Variants in PDE4D observed in about 807,000 individuals in gnomAD.
PDE4D encodes the protein phosphodiesterase 4D, also known as 3',5'-cyclic-AMP phosphodiesterase 4D.
Under a neutral mutation model 87.4 loss-of-function variants are expected in PDE4D, and 24 were observed. The observed-to-expected ratio is 0.27, with a 90% CI of 0.20 to 0.39. The LOEUF (loss-of-function observed/expected upper bound fraction) is 0.39, where lower values mean the gene tolerates loss of function less well. Ranked by LOEUF, PDE4D falls within the 10% of genes least tolerant of loss-of-function variation. The pLI, the probability that PDE4D is intolerant of heterozygous loss-of-function variation, is 1.00. For missense variants in PDE4D, 714 were observed against 1,041.0 expected, an observed-to-expected ratio of 0.69 and a Z score of 4.32; for synonymous variants, 384 against 383.2, an observed-to-expected ratio of 1.00 and a Z score of -0.02.
At chr5:60,383,391 G>A (rs563460100) in intron 1 of PDE4D, among the ~76,000 whole-genome samples, 35 of 152,232 alleles carry the variant, frequency 2.3e-4, no homozygotes, top group African/African-American at 8.4e-4. Flanking sequence ...GTACTTTCCA[G>A]AAAGCAATTG....
intron 3 of PDE4D, among the ~76,000 whole-genome samples, chr5:59,971,263 C>T (rs1350340962): frequency 3.3e-5 from 5 of 149,928 alleles, no homozygotes; most frequent in South Asian, 2.1e-4. Flanking sequence ...TGCTAGATGA[C>T]GAGTTAGTGG....
intron 1 of PDE4D, among the ~76,000 whole-genome samples, chr5:60,402,569 C>T (rs112473535): frequency 0.028 from 4,220 of 152,304 alleles, 94 homozygotes; most frequent in Middle Eastern, 0.082. Flanking sequence ...TCTGGCAGTC[C>T]GTGGTTGCAC....
chr5:58,993,770 G>A (rs1333819654), intron 6 of PDE4D, among the ~76,000 whole-genome samples: 1 of 152,080 alleles, frequency 6.6e-6, no homozygotes, highest in Non-Finnish European at 1.5e-5. Context: ...ATCACATGTG[G>A]CTCATGGCCA....
chr5:58,975,670 A>G lies in PDE4D; in HGVS notation c.2000T>C (p.Val667Ala). 2 of 1,602,860 alleles carry G rather than the reference A, an allele frequency of 1.2e-6. No homozygotes were observed. The highest frequency in any genetic ancestry group is 1.1e-5 in the South Asian group (1 of 88,944). The stretch of plus-strand genomic sequence containing the variant: ...TTCATGCATTACCTGTGATTTTTCC[A>G]CGGAAGCATTGTGCTTGTCACACAT... ...SPMCDKHNAS[V>A]EKSQVGFIDY... The change falls in exon 14 of 15, where the codon GTG becomes GCG. Residue 667 changes from valine (V) to alanine (A), a missense_variant. Transcript: ENST00000340635. The surrounding 1 kb of genome is among the most constrained non-coding windows in gnomAD (Gnocchi z 4.2).
intron 2 of PDE4D, 32 bp from the exon 3 acceptor site, chr5:59,193,568 T>G: frequency 6.2e-7 from 1 of 1,611,006 alleles, no homozygotes; most frequent in Non-Finnish European, 8.5e-7. Flanking sequence ...GCATTAGAAA[T>G]CATCAATAAC....
chr5:59,651,125 A>G (rs1743404650), intron 1 of PDE4D, among the ~76,000 whole-genome samples: 2 of 151,708 alleles, frequency 1.3e-5, no homozygotes, highest in South Asian at 2.1e-4. Flanking sequence ...GCGTGGTGGC[A>G]GGAGCCTGTA....
intron 1 of PDE4D, among the ~76,000 whole-genome samples, chr5:59,667,240 G>T (rs1004654345): frequency 2.0e-5 from 3 of 151,700 alleles, no homozygotes; most frequent in South Asian, 2.1e-4. Flanking sequence ...TTTTTTTTTG[G>T]GGGGGAGGTT....
At chr5:60,327,549 C>G (rs538461885) in intron 1 of PDE4D, among the ~76,000 whole-genome samples, 99 of 152,264 alleles carry the variant, frequency 6.5e-4, no homozygotes, top group Non-Finnish European at 1.2e-3. Flanking sequence ...CATATTCTGC[C>G]ATCCTTCAAT....
intron 2 of PDE4D, among the ~76,000 whole-genome samples, chr5:60,045,262 G>C (rs1328736522): frequency 6.6e-6 from 1 of 151,716 alleles, no homozygotes; most frequent in Non-Finnish European, 1.5e-5. Flanking sequence ...CTGGATATTA[G>C]CCCTTTGTCA....
At chr5:59,514,305 C>T (rs1810791981) in intron 1 of PDE4D, among the ~76,000 whole-genome samples, 1 of 152,020 alleles carries the variant, frequency 6.6e-6, no homozygotes, top group South Asian at 2.1e-4. Context: ...CAGGGTTTCA[C>T]CGTGTTAGCC....
chr5:59,416,644 T>C (rs1269667609), intron 1 of PDE4D, among the ~76,000 whole-genome samples: 1 of 152,224 alleles, frequency 6.6e-6, no homozygotes, highest in Non-Finnish European at 1.5e-5. Flanking sequence ...TTTTCAGGCA[T>C]TCAGTGCATA....
intron 1 of PDE4D, among the ~76,000 whole-genome samples, chr5:60,358,669 C>T (rs1378466985): frequency 1.3e-5 from 2 of 152,092 alleles, no homozygotes; most frequent in African/African-American, 4.8e-5. Context: ...ACATAATTTA[C>T]CAAAGCAAAA....
At chr5:59,214,500 G>T (rs425384) in intron 2 of PDE4D, among the ~76,000 whole-genome samples, 16,868 of 152,094 alleles carry the variant, frequency 0.11, 1,145 homozygotes, top group Non-Finnish European at 0.14. Flanking sequence ...CTCTGTTCCT[G>T]CAGTACATGA....
intron 3 of PDE4D, among the ~76,000 whole-genome samples, chr5:59,940,235 G>A (rs879294726): frequency 1.3e-5 from 2 of 152,200 alleles, no homozygotes; most frequent in Non-Finnish European, 2.9e-5. Context: ...CACCACAGGA[G>A]TTTCGGTTTC....
At chr5:59,393,895 G>C (rs1232751923) in intron 1 of PDE4D, among the ~76,000 whole-genome samples, 1 of 152,210 alleles carries the variant, frequency 6.6e-6, no homozygotes. Context: ...TTAATTAAAA[G>C]TGGAAGATAA....
intron 1 of PDE4D, among the ~76,000 whole-genome samples, chr5:59,867,488 A>C (rs1023020971): frequency 3.9e-5 from 6 of 152,190 alleles, no homozygotes; most frequent in Non-Finnish European, 7.4e-5. Flanking sequence ...TAGTCATGTG[A>C]GGGTAAGTTT....
At chr5:60,266,890 T>G (rs1479219087) in intron 1 of PDE4D, among the ~76,000 whole-genome samples, 1 of 152,218 alleles carries the variant, frequency 6.6e-6, no homozygotes, top group Non-Finnish European at 1.5e-5. Context: ...AAAATGATAA[T>G]GTCCCAACCA....
At chr5:59,043,266 G>A (rs1447451739) in intron 5 of PDE4D, among the ~76,000 whole-genome samples, 1 of 152,220 alleles carries the variant, frequency 6.6e-6, no homozygotes, top group South Asian at 2.1e-4. Context: ...GCTCACGCCT[G>A]TAATCCCAGC....
chr5:59,404,812 CTA>C (rs1262968840), intron 1 of PDE4D, among the ~76,000 whole-genome samples: 2 of 152,108 alleles, frequency 1.3e-5, no homozygotes, highest in African/African-American at 2.4e-5. Context: ...AGATAGAAGT[CTA>C]GTTTCATTCT....
Sources: gnomAD v4.1 joint callset for allele counts (sites outside exome capture counted in the v4.1 genomes callset) on GRCh38, gnomAD v4.1.1 for gene constraint, Gnocchi (gnomAD v3.1) non-coding constraint, MANE v1.5 for transcripts, NCBI Gene and HGNC (gene_info 2026-07-23, HGNC 2026-07-21) for gene names.